WDR33: variants seen among roughly 807,000 people sequenced by gnomAD.
WDR33 encodes the protein WD repeat domain 33, also known as pre-mRNA 3' end processing protein WDR33.
A neutral mutation model predicts 164.9 loss-of-function variants in WDR33; 47 were observed. The ratio of observed to expected loss-of-function variants is 0.29; its 90% confidence interval spans 0.23 to 0.36. The LOEUF (loss-of-function observed/expected upper bound fraction) is 0.36, where lower values mean the gene tolerates loss of function less well. Among genes scored for constraint, WDR33 ranks in the 10% least tolerant of loss-of-function variants. WDR33 has a pLI of 1.00. For missense variants in WDR33, 1,137 were observed against 1,754.1 expected (o/e 0.65, Z 6.28); for synonymous variants, 505 against 589.0 (o/e 0.86, Z 2.06).
rs1345894051 is a variant in WDR33 at position 127,763,397 on chromosome 2, T to A, written c.627-238A>T. ...ATCAGTATTCTGAGAACTTCAAGTG[T>A]GTATTATTAGTGCTAATGCTATCCA... On this transcript the variant is annotated intron_variant, in intron 6 of 21. Transcript: ENST00000322313. The surrounding 1 kb of genome is among the most constrained non-coding windows in gnomAD (Gnocchi z 4.5). The A allele has an allele frequency of 7.5e-7, 1 of 1,341,436 alleles. No homozygotes were observed. Among genetic ancestry groups the A allele is most frequent in the Non-Finnish European group, 9.6e-7 (1 of 1,042,514 alleles). 83.1% of individuals were successfully genotyped at this position (1,341,436 alleles called of 1,614,324 possible).
chr2:127,766,145 T>C (rs560418199), intron 4 of WDR33, among the ~76,000 whole-genome samples: 1 of 152,280 alleles, frequency 6.6e-6, no homozygotes, highest in Admixed American at 6.5e-5. Context: ...TTTGAAACAT[T>C]CAAATTTTTT....
chr2:127,794,146 AAGACAGAC>A (rs770340710), intron 1 of WDR33, among the ~76,000 whole-genome samples: 19 of 150,336 alleles, frequency 1.3e-4, no homozygotes, highest in African/African-American at 3.9e-4. Flanking sequence ...AGATCTTGTC[AAGACAGAC>A]AGACAGACAG....
At chr2:127,772,202 C>G (rs1688027497) in intron 1 of WDR33, among the ~76,000 whole-genome samples, 1 of 152,010 alleles carries the variant, frequency 6.6e-6, no homozygotes, top group Non-Finnish European at 1.5e-5. Context: ...TTTGGGAGGC[C>G]GAGATGGGCG....
intron 7 of WDR33, among the ~76,000 whole-genome samples, chr2:127,753,516 C>T (rs1687431594): frequency 6.6e-6 from 1 of 152,198 alleles, no homozygotes; most frequent in Admixed American, 6.5e-5. Flanking sequence ...CACCTCACTT[C>T]ACAGATGAGG....
In WDR33 at chr2:127,732,156, C is replaced by CAG. The variant is rs1290987683; in HGVS notation, c.725-5381_725-5380dup. On this transcript the variant is annotated intron_variant, in intron 7 of 21. Transcript: ENST00000322313. ...ACACACACACACACACACACACACA[C>CAG]AGACGGACACCCCAATAAGCCTTTT... Among the ~76,000 whole-genome samples, 23 of 142,710 alleles carry CAG rather than the reference C, an allele frequency of 1.6e-4. 1 individual carries two copies. In the Middle Eastern group the frequency reaches 0.035, roughly 220 times the overall value. The allele number at this position is 142,710 out of a possible 152,430, so 93.6% of individuals were successfully genotyped here. A position where few individuals can be genotyped will look rare whatever the true frequency, so the allele number is the denominator to read the frequency against.
chr2:127,802,765 C>T (rs563426874), intron 1 of WDR33, among the ~76,000 whole-genome samples: 4 of 151,952 alleles, frequency 2.6e-5, no homozygotes, highest in African/African-American at 9.7e-5. Flanking sequence ...GAACCGATGA[C>T]CCCAGGAGTT....
Position 127,722,738 on chromosome 2 carries a change from C to T in WDR33, c.1379-8G>A, listed in dbSNP as rs748303919. On this transcript the variant is annotated splice_polypyrimidine_tract_variant and splice_region_variant and intron_variant, in intron 13 of 21. Coordinates refer to ENST00000322313, the MANE Select transcript of WDR33 (RefSeq NM_018383.5). The surrounding 1 kb of genome is among the most constrained non-coding windows in gnomAD (Gnocchi z 5.1). The stretch of plus-strand genomic sequence containing the variant: ...CATTTGATTCATCTTTCCCTGTAAC[C>T]GTAAAGAAAAGTGGTTTGCCTCTTA... 43 of 1,612,200 alleles carry T rather than the reference C, an allele frequency of 2.7e-5. No individual in the cohort carries two copies. The highest frequency in any genetic ancestry group is 4.5e-5 in the East Asian group (2 of 44,844).
At chr2:127,779,134 T>C (rs1315377521) in intron 1 of WDR33, among the ~76,000 whole-genome samples, 1 of 148,540 alleles carries the variant, frequency 6.7e-6, no homozygotes, top group East Asian at 2.0e-4. Flanking sequence ...GTTCCTGAAA[T>C]CAATGTGGCT....
chr2:127,789,786 T>C (rs1398021903), intron 1 of WDR33, among the ~76,000 whole-genome samples: 2 of 152,080 alleles, frequency 1.3e-5, no homozygotes, highest in Non-Finnish European at 2.9e-5. Context: ...AGATTTTTTG[T>C]AGATGCCCTT....
chr2:127,777,691 C>T (rs1432379675), intron 1 of WDR33, among the ~76,000 whole-genome samples: 1 of 152,160 alleles, frequency 6.6e-6, no homozygotes, highest in Admixed American at 6.5e-5. Context: ...AGTGGCACTA[C>T]CACAGCTCAC....
chr2:127,731,251 C>T (rs971846323), intron 7 of WDR33, among the ~76,000 whole-genome samples: 5 of 145,554 alleles, frequency 3.4e-5, no homozygotes, highest in African/African-American at 5.1e-5. Context: ...GCCAAGATCA[C>T]GCCACTGCAC....
intron 1 of WDR33, among the ~76,000 whole-genome samples, chr2:127,800,358 G>A (rs938477245): frequency 2.0e-5 from 3 of 152,142 alleles, no homozygotes; most frequent in Non-Finnish European, 4.4e-5. Flanking sequence ...AGCAAGCCTG[G>A]GCGCAGTGGC....
chr2:127,810,116 C>T (rs1178529424), intron 1 of WDR33, among the ~76,000 whole-genome samples: 1 of 152,018 alleles, frequency 6.6e-6, no homozygotes, highest in Non-Finnish European at 1.5e-5. Flanking sequence ...CCAGAGTGTA[C>T]TAAAAAAGTA....
At chr2:127,798,174 C>T (rs1689106219) in intron 1 of WDR33, among the ~76,000 whole-genome samples, 1 of 150,554 alleles carries the variant, frequency 6.6e-6, no homozygotes, top group African/African-American at 2.5e-5. Context: ...TCAAGACCAG[C>T]CTGGCCAACA....
At chr2:127,796,797 G>A (rs1346057613) in intron 1 of WDR33, among the ~76,000 whole-genome samples, 1 of 151,794 alleles carries the variant, frequency 6.6e-6, no homozygotes, top group Non-Finnish European at 1.5e-5. Flanking sequence ...ACTAGGTTCA[G>A]GGGAAAAGTT....
chr2:127,772,125 G>C (rs554873425), intron 1 of WDR33, among the ~76,000 whole-genome samples: 32 of 151,798 alleles, frequency 2.1e-4, no homozygotes, highest in African/African-American at 7.5e-4. Context: ...CACCAAGCCT[G>C]GCCTTACATT....
intron 1 of WDR33, among the ~76,000 whole-genome samples, chr2:127,791,707 T>C (rs1253930810): frequency 6.6e-6 from 1 of 152,140 alleles, no homozygotes; most frequent in Non-Finnish European, 1.5e-5. Context: ...TTAGAAATCA[T>C]ATGCTCAAGA....
chr2:127,742,845 A>G (rs1687056430), intron 7 of WDR33, among the ~76,000 whole-genome samples: 1 of 148,686 alleles, frequency 6.7e-6, no homozygotes, highest in Non-Finnish European at 1.5e-5. Flanking sequence ...AAATATGTAT[A>G]CCTATACTCA....
chr2:127,764,699 G>A lies in WDR33; in HGVS notation c.626+129C>T, dbSNP rs762509338. On this transcript the variant is annotated intron_variant, in intron 6 of 21. Transcript: ENST00000322313. The surrounding 1 kb of genome is among the most constrained non-coding windows in gnomAD (Gnocchi z 6.2). ...ATGTGTGAAAACAAAGAAAAATATT[G>A]TGTTTATAGGGTGCAGAAAGTTTCC... The A allele has an allele frequency of 1.4e-5, 23 of 1,610,190 alleles. No homozygotes were observed. Among genetic ancestry groups the A allele is most frequent in the Non-Finnish European group, 1.9e-5 (22 of 1,177,868 alleles).
Sources: gnomAD v4.1 joint callset for allele counts (sites outside exome capture counted in the v4.1 genomes callset) on GRCh38, gnomAD v4.1.1 for gene constraint, Gnocchi (gnomAD v3.1) non-coding constraint, MANE v1.5 for transcripts, NCBI Gene and HGNC (gene_info 2026-07-23, HGNC 2026-07-21) for gene names.